Variants in LRRC37A2 observed in about 807,000 individuals in gnomAD.
LRRC37A2 encodes leucine rich repeat containing 37 member A2, also known as leucine-rich repeat-containing protein 37A2.
In LRRC37A2, 9 loss-of-function variants were observed where a neutral mutation model predicts 68.8. The ratio of observed to expected loss-of-function variants is 0.13; its 90% CI spans 0.08 to 0.23. The LOEUF is 0.23. Among genes scored for constraint, LRRC37A2 ranks in the 10% least tolerant of loss-of-function variants. LRRC37A2 has a pLI of 1.00. For missense variants in LRRC37A2, 168 were observed against 950.4 expected (o/e 0.18, Z 10.82); for synonymous variants, 63 against 367.6 (o/e 0.17, Z 9.48).
the LRRC37A2 span, among the ~76,000 whole-genome samples, chr17:46,583,975 T>TTTTATATATA: frequency 9.7e-5 from 1 of 10,322 alleles, no homozygotes; most frequent in African/African-American, 2.6e-4. Flanking sequence ...CGTATATGTT[T>TTTTATATATA]TATATATATA....
chr17:46,946,538 G>A, the LRRC37A2 span, among the ~76,000 whole-genome samples: 1 of 150,500 alleles, frequency 6.6e-6, no homozygotes, highest in African/African-American at 2.4e-5. Flanking sequence ...CTCAAGCTCA[G>A]TATTGCAGCC....
chr17:46,495,604 C>T, the LRRC37A2 span, among the ~76,000 whole-genome samples: 5 of 150,612 alleles, frequency 3.3e-5, no homozygotes, highest in East Asian at 7.8e-4. Flanking sequence ...AGGCTGGTCT[C>T]GAACTCCTGA....
chr17:46,955,633 T>A, the LRRC37A2 span: 4 of 152,238 alleles, frequency 2.6e-5, no homozygotes, highest in African/African-American at 9.6e-5. Context: ...TCTGAAGCAG[T>A]GCATGGCTTG....
the LRRC37A2 span, among the ~76,000 whole-genome samples, chr17:47,000,710 A>G: frequency 6.6e-6 from 1 of 152,160 alleles, no homozygotes; most frequent in Non-Finnish European, 1.5e-5. Flanking sequence ...ATCTGATGAT[A>G]CAACTTTGAC....
At chr17:46,925,490 G>T in the LRRC37A2 span, among the ~76,000 whole-genome samples, 1 of 152,232 alleles carries the variant, frequency 6.6e-6, no homozygotes, top group Admixed American at 6.5e-5. Context: ...AGGAGTGGGA[G>T]TTCTGGTTCT....
the LRRC37A2 span, among the ~76,000 whole-genome samples, chr17:46,854,551 A>G: frequency 6.6e-6 from 1 of 152,058 alleles, no homozygotes; most frequent in Non-Finnish European, 1.5e-5. Flanking sequence ...CAACCCCCAA[A>G]CCCCAAACCA....
chr17:46,804,689 G>A, the LRRC37A2 span, among the ~76,000 whole-genome samples: 3 of 152,244 alleles, frequency 2.0e-5, no homozygotes, highest in Non-Finnish European at 4.4e-5. Flanking sequence ...GAGAAGGAAT[G>A]AGAGATGAGG....
chr17:46,729,726 TTAGAGA>T, the LRRC37A2 span, among the ~76,000 whole-genome samples: 5 of 152,158 alleles, frequency 3.3e-5, no homozygotes, highest in Admixed American at 6.5e-5. Flanking sequence ...ATATTTAAAG[TTAGAGA>T]TAGAAACTAA....
At chr17:46,491,968 T>C in the LRRC37A2 span, among the ~76,000 whole-genome samples, 1 of 148,524 alleles carries the variant, frequency 6.7e-6, no homozygotes, top group South Asian at 2.1e-4. Flanking sequence ...TTTGACTTTA[T>C]TTATTTAGTT....
chr17:46,978,713 T>G, the LRRC37A2 span: 3 of 1,612,118 alleles, frequency 1.9e-6, no homozygotes, highest in South Asian at 3.3e-5. Flanking sequence ...AGAAAGTTGA[T>G]CATGCTCTCG....
At chr17:46,627,736 A>G in the LRRC37A2 span, among the ~76,000 whole-genome samples, 1 of 136,494 alleles carries the variant, frequency 7.3e-6, no homozygotes. Context: ...GGGTGCAATG[A>G]CTCATGCTGG....
the LRRC37A2 span, among the ~76,000 whole-genome samples, chr17:46,961,203 T>TA: frequency 1.3e-5 from 2 of 152,044 alleles, no homozygotes; most frequent in Non-Finnish European, 2.9e-5. Context: ...GGGTAACCAC[T>TA]AAAAAAACAG....
the LRRC37A2 span, among the ~76,000 whole-genome samples, chr17:46,801,039 C>T: frequency 6.6e-6 from 1 of 152,218 alleles, no homozygotes; most frequent in Admixed American, 6.5e-5. Context: ...TCACTGAGTA[C>T]ACACCTGACC....
chr17:46,548,714 G>A (rs1450902684), exon 10 of LRRC37A2: 1 of 1,609,598 alleles, frequency 6.2e-7, no homozygotes, highest in African/African-American at 1.4e-5. Flanking sequence ...AGGGAACAGG[G>A]TGCCCAGGCA....
downstream of LRRC37A2, chr17:46,558,714 C>T (rs1325880040): frequency 4.4e-5 from 6 of 137,174 alleles, 1 homozygote; most frequent in African/African-American, 1.7e-4. Flanking sequence ...TCTGAAAATA[C>T]ACCTGTGGAT....
the LRRC37A2 span, among the ~76,000 whole-genome samples, chr17:47,024,292 T>C: frequency 6.6e-6 from 1 of 152,222 alleles, no homozygotes; most frequent in Non-Finnish European, 1.5e-5. Flanking sequence ...ATGGCTTCAC[T>C]TGCAGCCCTG....
At chr17:46,857,343 T>C in the LRRC37A2 span, among the ~76,000 whole-genome samples, 1 of 151,654 alleles carries the variant, frequency 6.6e-6, no homozygotes, top group Non-Finnish European at 1.5e-5. Flanking sequence ...ATGGTGGTGG[T>C]GCATGCCTCT....
the LRRC37A2 span, among the ~76,000 whole-genome samples, chr17:46,963,507 G>A: frequency 9.4e-5 from 14 of 148,788 alleles, 1 homozygote; most frequent in Middle Eastern, 0.021. Context: ...ATCACACCAC[G>A]CACTCCAGCC....
At chr17:46,755,937 C>A in the LRRC37A2 span, 14 of 982,824 alleles carry the variant, frequency 1.4e-5, no homozygotes, top group Non-Finnish European at 1.9e-5. Context: ...TCTCTACCTT[C>A]AACATGTGCT....
Sources: gnomAD v4.1 joint callset for allele counts (sites outside exome capture counted in the v4.1 genomes callset) on GRCh38, gnomAD v4.1.1 for gene constraint, MANE v1.5 for transcripts, NCBI Gene and HGNC (gene_info 2026-07-23, HGNC 2026-07-21) for gene names.